The following GPX7 variants were observed in gnomAD, a reference collection of about 807,000 sequenced individuals.
The protein encoded by GPX7 is glutathione peroxidase 7, also known as protein peroxidase GPX7.
GPX7 carries 21 observed loss-of-function variants against 23.7 expected under a neutral mutation model. That is an observed-to-expected ratio of 0.89 (90% CI 0.63 to 1.28). The LOEUF is 1.28. Among genes scored for constraint, GPX7 ranks in the 50% most tolerant of loss-of-function variants. GPX7 has a pLI of 0.00. For synonymous variants in GPX7, 112 were observed against 101.8 expected, an observed-to-expected ratio of 1.10 and a Z score of -0.61; for missense variants, 238 against 237.3, an observed-to-expected ratio of 1.00 and a Z score of -0.02.
intron 1 of GPX7, 134 bp from the exon 2 acceptor site, chr1:52,606,550 A>G: frequency 2.2e-6 from 2 of 916,070 alleles, no homozygotes; most frequent in South Asian, 1.6e-5. Context: ...ATATGTGTAC[A>G]CAGTGTTCTT....
At chr1:52,606,261 G>C (rs1037651896) in intron 1 of GPX7, among the ~76,000 whole-genome samples, 1 of 152,104 alleles carries the variant, frequency 6.6e-6, no homozygotes, top group African/African-American at 2.4e-5. Context: ...TTGAGCCCAG[G>C]TCTCCCTTTG....
rs1033478539 is a variant in GPX7 at position 52,608,768 on chromosome 1, C to G, written c.*343C>G. 1 of 164,118 alleles carries G rather than the reference C, an allele frequency of 6.1e-6. No individual in the cohort carries two copies. The highest frequency in any genetic ancestry group is 6.3e-5 in the Admixed American group (1 of 15,980). The allele number at this position is 164,118 out of a possible 1,614,324, so 10.2% of individuals were successfully genotyped here. A position where few individuals can be genotyped will look rare whatever the true frequency, so the allele number is the denominator to read the frequency against. On this transcript the variant is annotated 3_prime_UTR_variant, in exon 3 of 3. Transcript: ENST00000361314. ...TGGGACCAATGATTACCTCATAGGG[C>G]TGTTGTGAGGATTAGGATGAAATAC...
At chr1:52,602,765 G>A (rs1007220622) in intron 1 of GPX7, among the ~76,000 whole-genome samples, 1 of 151,828 alleles carries the variant, frequency 6.6e-6, no homozygotes, top group Non-Finnish European at 1.5e-5. Flanking sequence ...TACGTGGCAC[G>A]GCCTTGGCGC....
At chr1:52,605,061 A>G (rs1690840813) in intron 1 of GPX7, among the ~76,000 whole-genome samples, 1 of 151,684 alleles carries the variant, frequency 6.6e-6, no homozygotes, top group African/African-American at 2.4e-5. Flanking sequence ...AAAAAAAAAA[A>G]AAAAAAAAGC....
In GPX7 at chr1:52,606,974, A is replaced by G. The variant is rs777081215; in HGVS notation, c.400+29A>G. On this transcript the variant is annotated intron_variant, in intron 2 of 2. Coordinates refer to ENST00000361314, the MANE Select transcript of GPX7 (RefSeq NM_015696.5). ...AGTCCTGGTCTCTTCATCCCCTCAC[A>G]CCTCCCTTAGCTGGCTGAGGCCATG... 3 of 1,602,582 alleles carry G rather than the reference A, an allele frequency of 1.9e-6. No homozygotes were observed. In the East Asian group the frequency reaches 6.7e-5, roughly 36 times the overall value.
At chr1:52,606,643 G>A in intron 1 of GPX7, 41 bp from the exon 2 acceptor site, 1 of 1,596,772 alleles carries the variant, frequency 6.3e-7, no homozygotes, top group Non-Finnish European at 8.5e-7. Flanking sequence ...CCTCTTCACT[G>A]GCTTGTCTGG....
chr1:52,606,100 A>G (rs1410392172), intron 1 of GPX7, among the ~76,000 whole-genome samples: 1 of 152,182 alleles, frequency 6.6e-6, no homozygotes, highest in Non-Finnish European at 1.5e-5. Flanking sequence ...TTGTGTGCAC[A>G]CTTACTCATT....
At chr1:52,602,814 C>G (rs1307383802) in intron 1 of GPX7, among the ~76,000 whole-genome samples, 1 of 152,062 alleles carries the variant, frequency 6.6e-6, no homozygotes, top group Non-Finnish European at 1.5e-5. Context: ...GCCCACTTCG[C>G]TACCGGCACC....
At position 52,606,786 on chromosome 1, in the gene GPX7, G is replaced by T. The variant is rs140772221; in HGVS notation, c.241G>T (p.Val81Leu). ...QRDLGPHHFN[V>L]LAFPCNQFGQ... Reference sequence around the variant, plus strand: ...AGACCTGGGCCCCCACCACTTTAACGTGCTCGCCTTCCCCTGCAACCAGTT... The same window carrying T: ...AGACCTGGGCCCCCACCACTTTAACTTGCTCGCCTTCCCCTGCAACCAGTT... The change falls in exon 2 of 3, where the codon GTG becomes TTG. Residue 81 changes from valine to leucine, a missense_variant. By Grantham distance (32) the Val-to-Leu change is conservative. Transcript: ENST00000361314. 32 of 1,614,044 alleles carry T rather than the reference G, an allele frequency of 2.0e-5. No individual in the cohort carries two copies. The highest frequency in any genetic ancestry group is 2.7e-5 in the Non-Finnish European group (32 of 1,180,032).
chr1:52,602,837 G>A (rs1438967212), intron 1 of GPX7, among the ~76,000 whole-genome samples: 1 of 152,110 alleles, frequency 6.6e-6, no homozygotes, highest in Non-Finnish European at 1.5e-5. Flanking sequence ...TGGGCAGCGG[G>A]GTCCAGACCT....
At chr1:52,607,101 T>A in intron 2 of GPX7, 156 bp downstream of exon 2, 1 of 739,032 alleles carries the variant, frequency 1.4e-6, no homozygotes, top group Non-Finnish European at 2.3e-6. Context: ...AGCACTAATC[T>A]TTGAGGAGAG....
intron 1 of GPX7, among the ~76,000 whole-genome samples, chr1:52,606,016 G>A (rs1019566454): frequency 4.6e-5 from 7 of 152,210 alleles, no homozygotes; most frequent in South Asian, 4.1e-4. Context: ...GGACAAAAAG[G>A]TGATTGCCCT....
rs1489423992 is a variant in GPX7 at position 52,608,685 on chromosome 1, A to T, written c.*260A>T. On this transcript the variant is annotated 3_prime_UTR_variant, in exon 3 of 3. Transcript: ENST00000361314. ...CGATACGAACGTCTTGCCAACAAAA[A>T]TGTGTGGCAAATAGAAGTATATCAA... 1 of 254,722 alleles carries T rather than the reference A, an allele frequency of 3.9e-6. No homozygotes were observed. The highest frequency in any genetic ancestry group is 2.2e-5 in the African/African-American group (1 of 44,888). 15.8% of individuals were successfully genotyped at this position (254,722 alleles called of 1,614,324 possible).
At chr1:52,602,680 C>G in intron 1 of GPX7, 133 bp downstream of exon 1, 1 of 254,892 alleles carries the variant, frequency 3.9e-6, no homozygotes, top group South Asian at 1.5e-4. Flanking sequence ...CGCCAAACCC[C>G]GGCCCCCGCC....
chr1:52,602,568 G>C (rs760538859), intron 1 of GPX7, 21 bp downstream of exon 1: 1 of 1,509,870 alleles, frequency 6.6e-7, no homozygotes, highest in East Asian at 2.8e-5. Context: ...GGGGTCTGGC[G>C]GCGCCGCTGG....
chr1:52,602,770 T>G (rs1205202562), intron 1 of GPX7, among the ~76,000 whole-genome samples: 2 of 151,888 alleles, frequency 1.3e-5, no homozygotes, highest in African/African-American at 4.8e-5. Flanking sequence ...GGCACGGCCT[T>G]GGCGCGGAGG....
In GPX7 at chr1:52,605,826, A is replaced by G. The variant is rs146640187; in HGVS notation, c.139-858A>G. ...CTCTACCAAAAGTAAAAATTAAAAA[A>G]TTAGCCAGGTGTGATGGCACGTGCC... On this transcript the variant is annotated intron_variant, in intron 1 of 2. Transcript: ENST00000361314. 1.3e-3 allele frequency among the ~76,000 whole-genome samples: 198 copies of G among 152,320 alleles called. 2 individuals carry two copies. The highest frequency in any genetic ancestry group is 4.5e-3 in the African/African-American group (187 of 41,578).
chr1:52,606,617 C>A, intron 1 of GPX7, 67 bp from the exon 2 acceptor site: 2 of 1,552,792 alleles, frequency 1.3e-6, no homozygotes, highest in Non-Finnish European at 1.7e-6. Context: ...TGTGTCAGGG[C>A]ATGTACAGGT....
Position 52,602,465 on chromosome 1 carries a change from C to A in GPX7, c.56C>A (p.Ala19Glu), listed in dbSNP as rs1239380302. Residue 19 changes from alanine (A) to glutamate (E), a missense_variant, in exon 1 of 3, where the codon GCG becomes GAG. By Grantham distance (107) the Ala-to-Glu change is moderately radical. Coordinates refer to ENST00000361314, the MANE Select transcript of GPX7 (RefSeq NM_015696.5). ...AWLLLWAAAC[A>E]QQEQDFYDFK... Reference sequence around the variant, plus strand: ...CTGCTCCTGTGGGCTGCGGCCTGCGCGCAGCAGGAGCAGGACTTCTACGAC... The same window carrying A: ...CTGCTCCTGTGGGCTGCGGCCTGCGAGCAGCAGGAGCAGGACTTCTACGAC... The A allele has an allele frequency of 1.3e-6, 2 of 1,544,332 alleles. No individual in the cohort carries two copies. The highest frequency in any genetic ancestry group is 2.4e-5 in the South Asian group (2 of 83,032).
Sources: gnomAD v4.1 joint callset for allele counts (sites outside exome capture counted in the v4.1 genomes callset) on GRCh38, gnomAD v4.1.1 for gene constraint, MANE v1.5 for transcripts, NCBI Gene and HGNC (gene_info 2026-07-23, HGNC 2026-07-21) for gene names.